The following LRRTM4 variants were observed in gnomAD, a reference collection of about 807,000 sequenced individuals.
LRRTM4 encodes the protein leucine-rich repeat transmembrane neuronal protein 4.
In LRRTM4, 25 loss-of-function variants were observed where a neutral mutation model predicts 47.6. The observed-to-expected ratio is 0.53, with a 90% CI of 0.38 to 0.73. The LOEUF is 0.73. Among genes scored for constraint, LRRTM4 ranks in the 30% least tolerant of loss-of-function variants. The pLI is 0.00. For synonymous variants in LRRTM4, 311 were observed against 269.5 expected, an observed-to-expected ratio of 1.15 and a Z score of -1.51; for missense variants, 638 against 713.4, an observed-to-expected ratio of 0.89 and a Z score of 1.20.
chr2:77,002,770 C>T (rs1285434240), intron 3 of LRRTM4, among the ~76,000 whole-genome samples: 2 of 152,148 alleles, frequency 1.3e-5, no homozygotes, highest in Non-Finnish European at 2.9e-5. Context: ...TAGGTCTCTG[C>T]TTAAAAAGTC....
rs1439360450 is a variant in LRRTM4, at chr2:76,748,847, G to T, written c.1621C>A (p.His541Asn). The change falls in exon 4 of 4, where the codon CAC (histidine) becomes AAC (asparagine). Residue 541 changes from histidine to asparagine, a missense_variant. His to Asn is a moderately conservative substitution (Grantham distance 68). Coordinates refer to ENST00000409884, the MANE Select transcript of LRRTM4 (RefSeq NM_001134745.3). ...CCCTTGGTGACATGGAGTGGCTGGT[G>T]GGCCTGGCAGTACCCGATCACAGGC... ...DQPVIGYCQAHQPLHVTKGYE... is the reference protein window; with the variant it reads ...DQPVIGYCQANQPLHVTKGYE... 6.2e-7 allele frequency: 1 copy of T among 1,613,902 alleles called. No individual in the cohort carries two copies. Among genetic ancestry groups the T allele is most frequent in the African/African-American group, 1.3e-5 (1 of 74,940 alleles).
chr2:77,435,506 T>A (rs929172858), intron 3 of LRRTM4, among the ~76,000 whole-genome samples: 2 of 152,148 alleles, frequency 1.3e-5, no homozygotes, highest in African/African-American at 4.8e-5. Context: ...TTATATAAAA[T>A]GATTATAATG....
intron 3 of LRRTM4, among the ~76,000 whole-genome samples, chr2:77,272,522 A>G (rs567353752): frequency 6.6e-6 from 1 of 152,196 alleles, no homozygotes; most frequent in African/African-American, 2.4e-5. Context: ...TTTCTTGACC[A>G]TTAAAACAAA....
intron 3 of LRRTM4, among the ~76,000 whole-genome samples, chr2:76,816,820 T>TTG (rs1670912662): frequency 4.3e-5 from 1 of 23,300 alleles, no homozygotes; most frequent in African/African-American, 5.1e-4. Flanking sequence ...AGGTAAAGAG[T>TTG]TTTTTTTTTT....
Position 76,951,906 on chromosome 2 carries a change from T to C in LRRTM4, c.1552-202990A>G, listed in dbSNP as rs566849194. Among the ~76,000 whole-genome samples, 14 of 152,118 alleles carry C rather than the reference T, an allele frequency of 9.2e-5. No individual in the cohort carries two copies. In the South Asian group the frequency reaches 2.5e-3, roughly 27 times the overall value. ...GTTTAGTTTTCTGTTCCTATGTTAG[T>C]TTGCTGAGAATGATGTCTTCCAGCT... On this transcript the variant is annotated intron_variant, in intron 3 of 3. Coordinates refer to ENST00000409884, the MANE Select transcript of LRRTM4 (RefSeq NM_001134745.3).
chr2:76,890,473 T>C (rs116767989), intron 3 of LRRTM4, among the ~76,000 whole-genome samples: 1,848 of 152,108 alleles, frequency 0.012, 39 homozygotes, highest in African/African-American at 0.042. Context: ...CTGGTCAATG[T>C]TGATTACATT....
chr2:77,456,163 G>A (rs1019277855), intron 3 of LRRTM4, among the ~76,000 whole-genome samples: 4 of 152,072 alleles, frequency 2.6e-5, no homozygotes, highest in Non-Finnish European at 5.9e-5. Flanking sequence ...ATTTATGCTT[G>A]TGATCATAAA....
chr2:77,063,003 G>A (rs1342857287), intron 3 of LRRTM4, among the ~76,000 whole-genome samples: 1 of 147,868 alleles, frequency 6.8e-6, no homozygotes, highest in East Asian at 2.0e-4. Flanking sequence ...CGCCCAGGCT[G>A]GAGTGCAGTG....
chr2:76,916,925 A>G (rs1226189564), intron 3 of LRRTM4, among the ~76,000 whole-genome samples: 1 of 152,170 alleles, frequency 6.6e-6, no homozygotes, highest in Non-Finnish European at 1.5e-5. Flanking sequence ...TAACAGTTTC[A>G]TATTTGAGTT....
chr2:77,397,925 A>G (rs1437655482), intron 3 of LRRTM4, among the ~76,000 whole-genome samples: 1 of 151,834 alleles, frequency 6.6e-6, no homozygotes, highest in African/African-American at 2.4e-5. Context: ...GAGTCAAACT[A>G]CAGATGACTC....
intron 3 of LRRTM4, among the ~76,000 whole-genome samples, chr2:77,428,727 C>A (rs753772833): frequency 2.6e-5 from 4 of 152,132 alleles, no homozygotes; most frequent in Non-Finnish European, 5.9e-5. Flanking sequence ...ACGGAAGAAT[C>A]AGAAGAGTAA....
chr2:76,983,011 A>G (rs1041418850), intron 3 of LRRTM4, among the ~76,000 whole-genome samples: 9 of 152,058 alleles, frequency 5.9e-5, no homozygotes, highest in African/African-American at 2.2e-4. Flanking sequence ...TCAAGCTCAC[A>G]TATCAAATTA....
intron 3 of LRRTM4, among the ~76,000 whole-genome samples, chr2:77,185,333 T>C (rs1300943336): frequency 6.6e-6 from 1 of 152,070 alleles, no homozygotes; most frequent in African/African-American, 2.4e-5. Context: ...TGGCCATAGA[T>C]CAAAGTTGAT....
At chr2:77,463,152 G>T (rs947579161) in intron 3 of LRRTM4, among the ~76,000 whole-genome samples, 2 of 151,916 alleles carry the variant, frequency 1.3e-5, no homozygotes, top group African/African-American at 4.8e-5. Context: ...AGGCTGTATG[G>T]TATAGCCTGT....
intron 3 of LRRTM4, among the ~76,000 whole-genome samples, chr2:77,487,165 C>G (rs1050779132): frequency 6.6e-6 from 1 of 152,234 alleles, no homozygotes; most frequent in Non-Finnish European, 1.5e-5. Flanking sequence ...GAGCCAGGAA[C>G]AGGAGGGAGC....
intron 3 of LRRTM4, among the ~76,000 whole-genome samples, chr2:77,123,752 A>G (rs10209679): frequency 0.35 from 53,070 of 151,960 alleles, 10,368 homozygotes; most frequent in Non-Finnish European, 0.44. Context: ...GGATGGCACT[A>G]CAAATGATTT....
At chr2:77,219,776 G>A (rs972895692) in intron 3 of LRRTM4, among the ~76,000 whole-genome samples, 3 of 152,164 alleles carry the variant, frequency 2.0e-5, no homozygotes, top group Admixed American at 2.0e-4. Flanking sequence ...GTTGACCTCT[G>A]GGGGCAGGGC....
intron 3 of LRRTM4, among the ~76,000 whole-genome samples, chr2:77,208,735 G>C (rs1028873650): frequency 2.0e-5 from 3 of 152,088 alleles, no homozygotes; most frequent in African/African-American, 7.2e-5. Flanking sequence ...GTTTAGACTA[G>C]AAAATCAAGC....
In LRRTM4 at chr2:77,095,713, T is replaced by G. The variant is rs537448934; in HGVS notation, c.1552-346797A>C. 2.5e-4 allele frequency among the ~76,000 whole-genome samples: 38 copies of G among 152,208 alleles called. No individual in the cohort carries two copies. The East Asian group carries it at 6.8e-3, about 27-fold the overall frequency. On this transcript the variant is annotated intron_variant, in intron 3 of 3. Transcript: ENST00000409884. The stretch of plus-strand genomic sequence containing the variant: ...TTAGTAGAGACAGGGTTTTTCCATT[T>G]TGGCCAGGCTGGTCTCCGACTCCTG...
Sources: allele counts gnomAD v4.1 joint callset (sites outside exome capture counted in the v4.1 genomes callset), GRCh38; gene constraint gnomAD v4.1.1; transcripts MANE v1.5; gene names NCBI Gene and HGNC (gene_info 2026-07-23, HGNC 2026-07-21).